Variants in MSRB3 observed in about 807,000 individuals in gnomAD.
MSRB3 encodes methionine sulfoxide reductase B3.
MSRB3 carries 13 observed loss-of-function variants against 21.0 expected under a neutral mutation model. The observed-to-expected ratio is 0.62, with a 90% confidence interval of 0.40 to 0.98. The LOEUF (loss-of-function observed/expected upper bound fraction) is 0.98, where lower values mean the gene tolerates loss of function less well. Ranked by LOEUF, MSRB3 falls within the 50% of genes least tolerant of loss-of-function variation. The pLI, the probability that MSRB3 is intolerant of heterozygous loss-of-function variation, is 0.00. For missense variants in MSRB3, 199 were observed against 230.3 expected (o/e 0.86, Z 0.88); for synonymous variants, 87 against 88.6 (o/e 0.98, Z 0.10).
At chr12:65,399,680 G>C (rs989732139) in intron 5 of MSRB3, among the ~76,000 whole-genome samples, 1 of 152,068 alleles carries the variant, frequency 6.6e-6, no homozygotes. Flanking sequence ...GTCTTGTGCT[G>C]GTTGTCAAAG....
At chr12:65,283,578 C>T (rs1241243169) in intron 1 of MSRB3, 1 of 152,142 alleles carries the variant, frequency 6.6e-6, no homozygotes, top group Non-Finnish European at 1.5e-5. Context: ...CCTACAGGCA[C>T]CTGCCACCAT....
At chr12:65,344,530 A>G (rs1220627347) in intron 4 of MSRB3, among the ~76,000 whole-genome samples, 3 of 152,006 alleles carry the variant, frequency 2.0e-5, no homozygotes, top group Non-Finnish European at 4.4e-5. Flanking sequence ...TAAAAGGTTT[A>G]TAGACATAAA....
intron 4 of MSRB3, among the ~76,000 whole-genome samples, chr12:65,365,972 G>A (rs1363476431): frequency 6.6e-6 from 1 of 151,868 alleles, no homozygotes; most frequent in African/African-American, 2.4e-5. Context: ...GCTCTTTTTT[G>A]GGGGAGGGGT....
chr12:65,340,383 G>A (rs12298777), intron 4 of MSRB3, among the ~76,000 whole-genome samples: 7,621 of 152,134 alleles, frequency 0.05, 624 homozygotes, highest in African/African-American at 0.17. Context: ...TATATAATTA[G>A]AGCCACAGAA....
intron 6 of MSRB3, among the ~76,000 whole-genome samples, chr12:65,458,993 T>C (rs1883207011): frequency 6.6e-6 from 1 of 152,256 alleles, no homozygotes. Flanking sequence ...TTCCACAGTT[T>C]AACCTGCAGT....
chr12:65,355,387 A>C (rs192982059), intron 4 of MSRB3, among the ~76,000 whole-genome samples: 284 of 152,008 alleles, frequency 1.9e-3, no homozygotes, highest in Non-Finnish European at 2.8e-3. Context: ...AAGAGAGTCC[A>C]TTAAGGTCAA....
chr12:65,428,704 G>A (rs978147560), intron 5 of MSRB3, among the ~76,000 whole-genome samples: 1 of 152,046 alleles, frequency 6.6e-6, no homozygotes, highest in Non-Finnish European at 1.5e-5. Flanking sequence ...CCCTCCCTTT[G>A]CATGCAATCA....
chr12:65,302,652 A>G (rs117575177), intron 1 of MSRB3, among the ~76,000 whole-genome samples: 2,275 of 152,284 alleles, frequency 0.015, 20 homozygotes, highest in Non-Finnish European at 0.021. Flanking sequence ...TACAATCACA[A>G]AAGGATCTCT....
chr12:65,339,062 G>C (rs1398438367), intron 4 of MSRB3, among the ~76,000 whole-genome samples: 1 of 152,124 alleles, frequency 6.6e-6, no homozygotes, highest in Admixed American at 6.5e-5. Context: ...GGGTGACAGA[G>C]CAAGATTCTG....
At chr12:65,293,465 C>T (rs559058279) in intron 1 of MSRB3, among the ~76,000 whole-genome samples, 136 of 152,330 alleles carry the variant, frequency 8.9e-4, no homozygotes, top group African/African-American at 3.0e-3. Flanking sequence ...CCACACTGCT[C>T]TTCTTTCCCA....
intron 1 of MSRB3, among the ~76,000 whole-genome samples, chr12:65,300,748 A>G (rs1457318776): frequency 6.6e-6 from 1 of 152,196 alleles, no homozygotes; most frequent in Non-Finnish European, 1.5e-5. Context: ...TCTGCCCCGT[A>G]TCTCCTTATC....
At chr12:65,355,125 C>T (rs887882878) in intron 4 of MSRB3, among the ~76,000 whole-genome samples, 3 of 151,824 alleles carry the variant, frequency 2.0e-5, no homozygotes, top group Non-Finnish European at 2.9e-5. Flanking sequence ...ATTAATTTTT[C>T]TCCTTCTGGG....
At chr12:65,327,323 C>A in intron 3 of MSRB3, among the ~76,000 whole-genome samples, 1 of 152,238 alleles carries the variant, frequency 6.6e-6, no homozygotes, top group East Asian at 1.9e-4. Flanking sequence ...TAAGTATAGA[C>A]GTTTTGGCTG....
chr12:65,315,679 A>G, intron 2 of MSRB3, among the ~76,000 whole-genome samples: 1 of 151,736 alleles, frequency 6.6e-6, no homozygotes, highest in Admixed American at 6.6e-5. Context: ...ATCTCAAAAA[A>G]AAAAAAAAAA....
At chr12:65,399,772 T>G (rs1880018352) in intron 5 of MSRB3, among the ~76,000 whole-genome samples, 1 of 152,240 alleles carries the variant, frequency 6.6e-6, no homozygotes, top group Admixed American at 6.5e-5. Context: ...TTGAGATACA[T>G]TCTGTGAATA....
At position 65,285,604 on chromosome 12, in the gene MSRB3, G is replaced by A. The variant is rs116860645; in HGVS notation, c.-52+6739G>A. ...AATCCCAGCACTTTGGGAGGCTGAG[G>A]CGGGTGGATCACTTGAGTCCAGCCT... is the stretch of plus-strand genomic sequence containing the variant. On this transcript the variant is annotated intron_variant, in intron 1 of 6. Coordinates refer to ENST00000308259, the MANE Select transcript of MSRB3 (RefSeq NM_001031679.3). 351 of 152,454 alleles carry A rather than the reference G, an allele frequency of 2.3e-3. 1 individual carries two copies. The highest frequency in any genetic ancestry group is 3.9e-3 in the Non-Finnish European group (263 of 68,154). 9.4% of individuals were successfully genotyped at this position (152,454 alleles called of 1,614,324 possible).
At chr12:65,420,624 C>A (rs1881241805) in intron 5 of MSRB3, among the ~76,000 whole-genome samples, 1 of 152,120 alleles carries the variant, frequency 6.6e-6, no homozygotes, top group East Asian at 1.9e-4. Context: ...CCTTTCCCTC[C>A]TCCTGCCCTG....
At chr12:65,306,288 CAT>C (rs1873649506) in intron 1 of MSRB3, among the ~76,000 whole-genome samples, 1 of 152,168 alleles carries the variant, frequency 6.6e-6, no homozygotes, top group South Asian at 2.1e-4. Flanking sequence ...TATAAAAATA[CAT>C]GTTAGAGCCA....
At chr12:65,350,313 C>G (rs1420305059) in intron 4 of MSRB3, among the ~76,000 whole-genome samples, 1 of 151,776 alleles carries the variant, frequency 6.6e-6, no homozygotes, top group Non-Finnish European at 1.5e-5. Context: ...GTTACTGTAG[C>G]CTTGCAGTAT....
Sources: gnomAD v4.1 joint callset for allele counts (sites outside exome capture counted in the v4.1 genomes callset) on GRCh38, gnomAD v4.1.1 for gene constraint, MANE v1.5 for transcripts, NCBI Gene and HGNC (gene_info 2026-07-23, HGNC 2026-07-21) for gene names.